The following KCNMB2 variants were observed in gnomAD, a reference collection of about 807,000 sequenced individuals.
KCNMB2 encodes the protein calcium-activated potassium channel subunit beta-2.
In KCNMB2, 9 loss-of-function variants were observed where a neutral mutation model predicts 24.5. The ratio of observed to expected loss-of-function variants is 0.37; its 90% CI spans 0.22 to 0.64. The LOEUF is 0.64. Ranked by LOEUF, KCNMB2 falls within the 30% of genes least tolerant of loss-of-function variation. The pLI is 0.63. For synonymous variants in KCNMB2, 109 were observed against 104.4 expected (o/e 1.04, Z -0.27); for missense variants, 226 against 284.3 (o/e 0.79, Z 1.47).
chr3:178,709,712 T>G (rs1034539096), intron 1 of KCNMB2, among the ~76,000 whole-genome samples: 2 of 152,150 alleles, frequency 1.3e-5, no homozygotes, highest in Non-Finnish European at 1.5e-5. Flanking sequence ...TTTGTTTTAG[T>G]GGAAGTTGAG....
chr3:178,709,685 A>G (rs575410448), intron 1 of KCNMB2, among the ~76,000 whole-genome samples: 1 of 152,288 alleles, frequency 6.6e-6, no homozygotes, highest in African/African-American at 2.4e-5. Flanking sequence ...GAACTCACAA[A>G]ATTTTCAAGT....
intron 1 of KCNMB2, among the ~76,000 whole-genome samples, chr3:178,583,429 G>T (rs1717288826): frequency 6.6e-6 from 1 of 152,098 alleles, no homozygotes; most frequent in Non-Finnish European, 1.5e-5. Context: ...CTTTTTGGCT[G>T]GGATTCATCA....
intron 4 of KCNMB2, among the ~76,000 whole-genome samples, chr3:178,835,464 T>C (rs893922234): frequency 6.6e-6 from 1 of 152,204 alleles, no homozygotes; most frequent in African/African-American, 2.4e-5. Context: ...TTATCACTAA[T>C]GTTCAAAAAA....
chr3:178,633,553 G>A (rs746679403), intron 1 of KCNMB2, among the ~76,000 whole-genome samples: 8 of 152,186 alleles, frequency 5.3e-5, no homozygotes, highest in Non-Finnish European at 1.2e-4. Context: ...GCTGGGATGT[G>A]GGGCACCAAG....
intron 1 of KCNMB2, among the ~76,000 whole-genome samples, chr3:178,540,073 T>C (rs900797559): frequency 6.6e-6 from 1 of 152,206 alleles, no homozygotes; most frequent in Admixed American, 6.6e-5. Flanking sequence ...ACACAGGATA[T>C]GTTCAAAATC....
chr3:178,570,640 G>C lies in KCNMB2; in HGVS notation c.-68+33929G>C, dbSNP rs971014424. Among the ~76,000 whole-genome samples the C allele has an allele frequency of 3.3e-5, 5 of 150,018 alleles. No individual in the cohort carries two copies. In the South Asian group the frequency reaches 6.3e-4, roughly 19 times the overall value. ...CATAATTGTCACTAGCTATTGTGGA[G>C]AGAAAAAACCCTGAACACTTGATTC... On this transcript the variant is annotated intron_variant, in intron 1 of 4. Transcript: ENST00000452583.
In KCNMB2 at chr3:178,829,343, G is replaced by GA. The variant is rs538742941; in HGVS notation, c.423+977dup. On this transcript the variant is annotated intron_variant, in intron 4 of 4. Coordinates refer to ENST00000452583, the MANE Select transcript of KCNMB2 (RefSeq NM_181361.3). The stretch of plus-strand genomic sequence containing the variant: ...TTAAATGATATAACTTATAGTTATT[G>GA]AAAAAAATGCAGTAGATTCAAGGTT... Among the ~76,000 whole-genome samples, 405 of 152,122 alleles carry GA rather than the reference G, an allele frequency of 2.7e-3. 2 individuals carry two copies. The highest frequency in any genetic ancestry group is 9.3e-3 in the African/African-American group (386 of 41,528).
intron 1 of KCNMB2, among the ~76,000 whole-genome samples, chr3:178,624,939 C>A (rs888159755): frequency 6.6e-5 from 10 of 152,006 alleles, no homozygotes; most frequent in African/African-American, 2.4e-4. Flanking sequence ...TGAGGGAAAC[C>A]ATGCAGCTTA....
chr3:178,658,250 T>C (rs1429554507), intron 1 of KCNMB2, among the ~76,000 whole-genome samples: 1 of 152,156 alleles, frequency 6.6e-6, no homozygotes, highest in African/African-American at 2.4e-5. Flanking sequence ...AATAATGCCA[T>C]TTTTTTCATA....
At chr3:178,737,771 G>C (rs1723364990) in intron 1 of KCNMB2, among the ~76,000 whole-genome samples, 1 of 152,264 alleles carries the variant, frequency 6.6e-6, no homozygotes, top group Admixed American at 6.5e-5. Context: ...TGTAAGTTGA[G>C]GGTAATATCA....
chr3:178,840,565 C>T (rs987153887), intron 4 of KCNMB2, among the ~76,000 whole-genome samples: 2 of 152,254 alleles, frequency 1.3e-5, no homozygotes, highest in African/African-American at 2.4e-5. Flanking sequence ...TCTATCTATC[C>T]TCTGAAATCT....
intron 1 of KCNMB2, among the ~76,000 whole-genome samples, chr3:178,766,242 G>A (rs536187991): frequency 6.4e-4 from 97 of 152,238 alleles, no homozygotes; most frequent in African/African-American, 2.3e-3. Flanking sequence ...CACCCAGGCT[G>A]GAGTGTAGTG....
chr3:178,751,469 A>G (rs1723843967), intron 1 of KCNMB2, among the ~76,000 whole-genome samples: 1 of 149,262 alleles, frequency 6.7e-6, no homozygotes, highest in Non-Finnish European at 1.5e-5. Context: ...AATCCCAGCT[A>G]CTTAGGAGGC....
chr3:178,772,115 C>A (rs572202383), intron 1 of KCNMB2, among the ~76,000 whole-genome samples: 1 of 152,264 alleles, frequency 6.6e-6, no homozygotes, highest in African/African-American at 2.4e-5. Context: ...TCCCACGTAT[C>A]TTCTTCCCCT....
At chr3:178,563,456 TG>T (rs1716396899) in intron 1 of KCNMB2, among the ~76,000 whole-genome samples, 1 of 152,284 alleles carries the variant, frequency 6.6e-6, no homozygotes, top group Non-Finnish European at 1.5e-5. Flanking sequence ...CACCCAGACT[TG>T]GAGACTACCA....
At chr3:178,547,774 C>T (rs1308750977) in intron 1 of KCNMB2, among the ~76,000 whole-genome samples, 1 of 152,194 alleles carries the variant, frequency 6.6e-6, no homozygotes, top group Non-Finnish European at 1.5e-5. Context: ...AGCCATCTCT[C>T]CAGCTGCAAC....
rs116708794 is a variant in KCNMB2 at position 178,623,413 on chromosome 3, A to C, written c.-68+86702A>C. Among the ~76,000 whole-genome samples, 900 of 152,328 alleles carry C rather than the reference A, an allele frequency of 5.9e-3. 10 individuals carry two copies. Among genetic ancestry groups the C allele is most frequent in the African/African-American group, 0.021 (856 of 41,566 alleles). ...TGTTATAGTGTCTCTACCCACACCC[A>C]GATATACGGCAGGGAGAAATCATCA... On this transcript the variant is annotated intron_variant, in intron 1 of 4. Coordinates refer to ENST00000452583, the MANE Select transcript of KCNMB2 (RefSeq NM_181361.3).
intron 1 of KCNMB2, among the ~76,000 whole-genome samples, chr3:178,586,045 G>A (rs1166562161): frequency 1.3e-5 from 2 of 152,132 alleles, no homozygotes; most frequent in African/African-American, 4.8e-5. Flanking sequence ...ATTGTAAGGT[G>A]CAGAAACAGC....
At chr3:178,778,006 C>T (rs1365421159) in intron 1 of KCNMB2, among the ~76,000 whole-genome samples, 2 of 152,128 alleles carry the variant, frequency 1.3e-5, no homozygotes, top group Non-Finnish European at 2.9e-5. Context: ...TGGTAGCTGT[C>T]CCTGGCTACT....
Sources: allele counts gnomAD v4.1 joint callset (sites outside exome capture counted in the v4.1 genomes callset), GRCh38; gene constraint gnomAD v4.1.1; transcripts MANE v1.5; gene names NCBI Gene and HGNC (gene_info 2026-07-23, HGNC 2026-07-21).